Variants in GARIN1A observed in about 807,000 individuals in gnomAD.
GARIN1A encodes the protein golgi associated RAB2 interactor 1A.
chr7:128,671,641 G>T, the GARIN1A span, among the ~76,000 whole-genome samples: 9 of 88,688 alleles, frequency 1.0e-4, no homozygotes, highest in East Asian at 2.9e-3. Flanking sequence ...GCAAAACTCT[G>T]TCTCAAAAAA....
At chr7:128,686,596 C>G in the GARIN1A span, 1 of 152,202 alleles carries the variant, frequency 6.6e-6, no homozygotes, top group Non-Finnish European at 1.5e-5. Context: ...ACAGAAAGGA[C>G]CAGGCACGGT....
chr7:128,707,589 G>A, the GARIN1A span, among the ~76,000 whole-genome samples: 2 of 151,656 alleles, frequency 1.3e-5, no homozygotes, highest in African/African-American at 2.4e-5. Flanking sequence ...ACCTCAGCCT[G>A]GGAACACAGG....
the GARIN1A span, among the ~76,000 whole-genome samples, chr7:128,708,576 G>A: frequency 5.9e-5 from 9 of 151,668 alleles, no homozygotes; most frequent in Non-Finnish European, 1.3e-4. Context: ...TTGTTTTCCT[G>A]AGCTGATTTC....
At chr7:128,690,663 A>G in the GARIN1A span, 1 of 152,206 alleles carries the variant, frequency 6.6e-6, no homozygotes, top group Non-Finnish European at 1.5e-5. Context: ...CACATGTTCT[A>G]TGCAATTTTT....
At chr7:128,683,296 C>A in the GARIN1A span, 1 of 642,208 alleles carries the variant, frequency 1.6e-6, no homozygotes, top group South Asian at 2.4e-5. Context: ...CTACTTCCAC[C>A]AATAAACTTC....
At chr7:128,673,306 C>CA in the GARIN1A span, among the ~76,000 whole-genome samples, 3 of 152,162 alleles carry the variant, frequency 2.0e-5, no homozygotes, top group African/African-American at 7.2e-5. Flanking sequence ...AGCTCTATGT[C>CA]AGAGAGCTTG....
chr7:128,696,290 A>G, the GARIN1A span, among the ~76,000 whole-genome samples: 2 of 152,054 alleles, frequency 1.3e-5, no homozygotes, highest in African/African-American at 4.8e-5. Flanking sequence ...AGTTGCTGGA[A>G]TTACAAGCGT....
At chr7:128,684,311 A>G in the GARIN1A span, 1 of 152,234 alleles carries the variant, frequency 6.6e-6, no homozygotes, top group Non-Finnish European at 1.5e-5. Flanking sequence ...GCTCCACTAT[A>G]TCAAGCAAGA....
At chr7:128,704,159 A>G in the GARIN1A span, among the ~76,000 whole-genome samples, 50 of 129,926 alleles carry the variant, frequency 3.8e-4, no homozygotes, top group Admixed American at 3.3e-3. Context: ...GCTTTAGTTC[A>G]GTGGTCCCCA....
the GARIN1A span, among the ~76,000 whole-genome samples, chr7:128,676,108 C>T: frequency 2.6e-5 from 4 of 151,280 alleles, no homozygotes; most frequent in Non-Finnish European, 5.9e-5. Flanking sequence ...CAAGCCCCGC[C>T]TCCCGGGTTC....
the GARIN1A span, chr7:128,680,188 C>T: frequency 2.4e-6 from 3 of 1,256,552 alleles, no homozygotes; most frequent in Non-Finnish European, 3.4e-6. Flanking sequence ...TCCCTTCCTC[C>T]AGTGTGAAGT....
chr7:128,677,721 C>G, the GARIN1A span: 9 of 1,613,678 alleles, frequency 5.6e-6, no homozygotes, highest in Non-Finnish European at 6.8e-6. Context: ...GAAAATTCTG[C>G]AGAAAGGCCT....
At chr7:128,688,107 G>A in the GARIN1A span, among the ~76,000 whole-genome samples, 3 of 151,934 alleles carry the variant, frequency 2.0e-5, no homozygotes, top group African/African-American at 7.3e-5. Flanking sequence ...CACCTCCCAG[G>A]TTCAAGCAAT....
chr7:128,698,457 C>T, the GARIN1A span, among the ~76,000 whole-genome samples: 1 of 152,038 alleles, frequency 6.6e-6, no homozygotes, highest in Non-Finnish European at 1.5e-5. Context: ...CCTGCCCCTC[C>T]TTAACCCATG....
chr7:128,680,462 C>G, the GARIN1A span, among the ~76,000 whole-genome samples: 11 of 152,310 alleles, frequency 7.2e-5, no homozygotes, highest in East Asian at 1.9e-3. Context: ...TAGCTATTGA[C>G]TATTTCCAAT....
At chr7:128,675,828 C>A in the GARIN1A span, 471,595 of 1,612,310 alleles carry the variant, frequency 0.29, 71,309 homozygotes, top group East Asian at 0.5. Context: ...CTGGAGCACA[C>A]CTGGTGACGC....
At chr7:128,671,645 CAAAAAAAAAA>C in the GARIN1A span, among the ~76,000 whole-genome samples, 3 of 120,236 alleles carry the variant, frequency 2.5e-5, no homozygotes, top group Non-Finnish European at 5.3e-5. Context: ...AACTCTGTCT[CAAAAAAAAAA>C]AAAAAAAAGT....
chr7:128,689,872 G>GC, the GARIN1A span, among the ~76,000 whole-genome samples: 2 of 151,470 alleles, frequency 1.3e-5, no homozygotes, highest in Non-Finnish European at 2.9e-5. Context: ...GAAGTGAGGA[G>GC]CCCCTCTGCC....
At chr7:128,691,809 C>T in the GARIN1A span, 1 of 152,448 alleles carries the variant, frequency 6.6e-6, no homozygotes, top group Non-Finnish European at 1.5e-5. Context: ...AACTGCTCCT[C>T]TCGTGGTGGC....
Sources: gnomAD v4.1 joint callset for allele counts (sites outside exome capture counted in the v4.1 genomes callset) on GRCh38, gnomAD v4.1.1 for gene constraint, MANE v1.5 for transcripts, NCBI Gene and HGNC (gene_info 2026-07-23, HGNC 2026-07-21) for gene names.